The following CNTNAP2 variants were observed in gnomAD, a reference collection of about 807,000 sequenced individuals.
CNTNAP2 encodes the protein contactin associated protein 2, also known as contactin-associated protein-like 2.
In CNTNAP2, 98 loss-of-function variants were observed where a neutral mutation model predicts 155.2. That is an observed-to-expected ratio of 0.63 (90% CI 0.54 to 0.75). The LOEUF (loss-of-function observed/expected upper bound fraction) is 0.75. Among genes scored for constraint, CNTNAP2 ranks in the 30% least tolerant of loss-of-function variants. The pLI is 0.00. For missense variants in CNTNAP2, 1,727 were observed against 1,688.1 expected (o/e 1.02, Z -0.40); for synonymous variants, 651 against 631.2 (o/e 1.03, Z -0.47).
At chr7:147,090,549 C>T (rs1800380350) in intron 4 of CNTNAP2, among the ~76,000 whole-genome samples, 1 of 152,034 alleles carries the variant, frequency 6.6e-6, no homozygotes, top group South Asian at 2.1e-4. Flanking sequence ...TATTCAGATA[C>T]TTTTTTAATG....
intron 13 of CNTNAP2, among the ~76,000 whole-genome samples, chr7:147,737,946 C>T (rs1352803942): frequency 6.6e-6 from 1 of 152,190 alleles, no homozygotes; most frequent in African/African-American, 2.4e-5. Flanking sequence ...AAAGGGAATT[C>T]CCTGACCCCT....
intron 1 of CNTNAP2, among the ~76,000 whole-genome samples, chr7:146,475,702 C>G (rs190963120): frequency 2.6e-5 from 4 of 152,106 alleles, no homozygotes; most frequent in Admixed American, 2.6e-4. Flanking sequence ...GCCTATATCA[C>G]AATAGTGACA....
intron 20 of CNTNAP2, among the ~76,000 whole-genome samples, chr7:148,235,682 A>ATTTTTTTTTTTTTTT (rs748645353): frequency 1.4e-5 from 1 of 70,216 alleles, no homozygotes. Context: ...CTGTGCAGCA[A>ATTTTTTTTTTTTTTT]TTATTTTTTT....
chr7:146,568,837 A>G (rs1055186251), intron 1 of CNTNAP2, among the ~76,000 whole-genome samples: 1 of 152,122 alleles, frequency 6.6e-6, no homozygotes, highest in Non-Finnish European at 1.5e-5. Context: ...CTGTATGACA[A>G]TAGCAATTTA....
At chr7:147,316,548 G>C (rs1334461459) in intron 9 of CNTNAP2, among the ~76,000 whole-genome samples, 2 of 152,112 alleles carry the variant, frequency 1.3e-5, no homozygotes, top group Non-Finnish European at 2.9e-5. Flanking sequence ...TATTTATGTG[G>C]AGATGATACA....
intron 1 of CNTNAP2, among the ~76,000 whole-genome samples, chr7:146,264,966 A>G (rs546000823): frequency 1.2e-3 from 182 of 152,244 alleles, no homozygotes; most frequent in Non-Finnish European, 2.3e-3. Flanking sequence ...CACATTCATT[A>G]TAGAGACAAA....
intron 1 of CNTNAP2, among the ~76,000 whole-genome samples, chr7:146,575,514 G>A (rs933135356): frequency 2.0e-5 from 3 of 152,054 alleles, no homozygotes; most frequent in African/African-American, 4.8e-5. Flanking sequence ...AATACTTAGG[G>A]CTGATCCAAT....
chr7:146,782,024 C>T (rs1168189017), intron 2 of CNTNAP2, among the ~76,000 whole-genome samples: 1 of 152,114 alleles, frequency 6.6e-6, no homozygotes, highest in African/African-American at 2.4e-5. Flanking sequence ...TATTCTTAAC[C>T]TTAATTAGGA....
At chr7:147,140,018 T>G (rs1801562128) in intron 8 of CNTNAP2, among the ~76,000 whole-genome samples, 1 of 152,090 alleles carries the variant, frequency 6.6e-6, no homozygotes, top group South Asian at 2.1e-4. Flanking sequence ...AGACCCTACT[T>G]CTGGGAACTG....
At chr7:147,332,908 T>A (rs1795598052) in intron 9 of CNTNAP2, among the ~76,000 whole-genome samples, 1 of 152,112 alleles carries the variant, frequency 6.6e-6, no homozygotes, top group Non-Finnish European at 1.5e-5. Flanking sequence ...GGTTTCTATT[T>A]ATTTATATAG....
chr7:147,064,945 C>T (rs1417192942), intron 4 of CNTNAP2, among the ~76,000 whole-genome samples: 5 of 152,238 alleles, frequency 3.3e-5, no homozygotes, highest in African/African-American at 9.6e-5. Context: ...AAGTGTTTAA[C>T]CTGTCCAAAT....
intron 1 of CNTNAP2, among the ~76,000 whole-genome samples, chr7:146,195,821 A>C (rs11768658): frequency 0.17 from 25,858 of 152,186 alleles, 2,737 homozygotes; most frequent in East Asian, 0.28. Context: ...GAATGATGTC[A>C]GCATTTGAAA....
chr7:148,334,089 T>C (rs1387083217), intron 21 of CNTNAP2, among the ~76,000 whole-genome samples: 1 of 152,220 alleles, frequency 6.6e-6, no homozygotes, highest in Non-Finnish European at 1.5e-5. Flanking sequence ...GCAGTTCTAG[T>C]GACTTCCAGA....
chr7:147,450,275 A>G (rs1797808826), intron 10 of CNTNAP2, among the ~76,000 whole-genome samples: 1 of 152,234 alleles, frequency 6.6e-6, no homozygotes, highest in South Asian at 2.1e-4. Context: ...GTGAGATGCA[A>G]TATGAGGAGC....
intron 1 of CNTNAP2, among the ~76,000 whole-genome samples, chr7:146,446,144 T>C (rs1165178095): frequency 2.0e-5 from 3 of 152,168 alleles, no homozygotes; most frequent in African/African-American, 7.2e-5. Context: ...GAATTTAACT[T>C]GAAATCAAGA....
chr7:147,346,922 T>TG (rs1175400083), intron 9 of CNTNAP2, among the ~76,000 whole-genome samples: 2 of 152,120 alleles, frequency 1.3e-5, no homozygotes, highest in African/African-American at 4.8e-5. Flanking sequence ...TGTTTTTACT[T>TG]GGTTGTAGTC....
chr7:146,810,866 A>C (rs1054372604), intron 2 of CNTNAP2, among the ~76,000 whole-genome samples: 1 of 152,158 alleles, frequency 6.6e-6, no homozygotes, highest in Non-Finnish European at 1.5e-5. Context: ...ATTTTGTTAA[A>C]TGCTTTGTTG....
chr7:146,339,642 T>A (rs1174623160), intron 1 of CNTNAP2, among the ~76,000 whole-genome samples: 1 of 152,186 alleles, frequency 6.6e-6, no homozygotes, highest in Admixed American at 6.5e-5. Flanking sequence ...TAAATATATG[T>A]AACTAGAGCT....
At chr7:146,679,735 G>A (rs991239709) in intron 1 of CNTNAP2, among the ~76,000 whole-genome samples, 3 of 151,396 alleles carry the variant, frequency 2.0e-5, no homozygotes, top group African/African-American at 4.9e-5. Context: ...TCTTTTCTCT[G>A]TTAATCTCTT....
Sources: allele counts gnomAD v4.1 joint callset (sites outside exome capture counted in the v4.1 genomes callset), GRCh38; gene constraint gnomAD v4.1.1; transcripts MANE v1.5; gene names NCBI Gene and HGNC (gene_info 2026-07-23, HGNC 2026-07-21).